ADAMTSL1: variants seen among roughly 807,000 people sequenced by gnomAD.
The protein encoded by ADAMTSL1 is ADAMTS-like protein 1.
A neutral mutation model predicts 201.8 loss-of-function variants in ADAMTSL1; 126 were observed. The ratio of observed to expected loss-of-function variants is 0.62; its 90% CI spans 0.54 to 0.72. The LOEUF (loss-of-function observed/expected upper bound fraction) is 0.72. Ranked by LOEUF, ADAMTSL1 falls within the 30% of genes least tolerant of loss-of-function variation. ADAMTSL1 has a pLI of 0.00. For missense variants in ADAMTSL1, 2,679 were observed against 2,277.8 expected, an observed-to-expected ratio of 1.18 and a Z score of -3.59; for synonymous variants, 1,121 against 903.4, an observed-to-expected ratio of 1.24 and a Z score of -4.32.
intron 2 of ADAMTSL1, among the ~76,000 whole-genome samples, chr9:18,252,033 C>G (rs1419040242): frequency 6.6e-6 from 1 of 150,630 alleles, no homozygotes; most frequent in Non-Finnish European, 1.5e-5. Flanking sequence ...AATTTCCTAC[C>G]AAGACAGGAA....
chr9:18,304,824 G>A (rs896184236), intron 2 of ADAMTSL1, among the ~76,000 whole-genome samples: 8 of 152,112 alleles, frequency 5.3e-5, no homozygotes, highest in African/African-American at 1.9e-4. Flanking sequence ...AATTAGGAAA[G>A]TTTTTACTAT....
At chr9:18,718,353 G>A in intron 14 of ADAMTSL1, 1 of 729,342 alleles carries the variant, frequency 1.4e-6, no homozygotes, top group South Asian at 1.4e-5. Flanking sequence ...TTCCGTTCCT[G>A]CAGTATCCAA....
At chr9:18,521,298 A>G (rs931313845) in intron 2 of ADAMTSL1, among the ~76,000 whole-genome samples, 3 of 152,104 alleles carry the variant, frequency 2.0e-5, no homozygotes, top group African/African-American at 7.2e-5. Context: ...TTAAAGTACT[A>G]AAAGAGTGTA....
At chr9:18,468,699 ACT>A (rs1746594453) in intron 2 of ADAMTSL1, among the ~76,000 whole-genome samples, 1 of 152,220 alleles carries the variant, frequency 6.6e-6, no homozygotes, top group African/African-American at 2.4e-5. Flanking sequence ...TAAGATTTAA[ACT>A]GTCTGGCTCC....
At chr9:18,711,378 A>G (rs149823833) in intron 14 of ADAMTSL1, among the ~76,000 whole-genome samples, 3,964 of 152,312 alleles carry the variant, frequency 0.026, 70 homozygotes, top group Non-Finnish European at 0.04. Context: ...GGCGCAGGTC[A>G]GTGGGTGAGC....
intron 2 of ADAMTSL1, among the ~76,000 whole-genome samples, chr9:18,182,477 A>G (rs1201705224): frequency 1.3e-5 from 2 of 152,172 alleles, no homozygotes; most frequent in Admixed American, 6.5e-5. Context: ...TATAAAGACA[A>G]TAGTTTAAAA....
At chr9:18,529,959 T>A (rs1819336192) in intron 2 of ADAMTSL1, among the ~76,000 whole-genome samples, 1 of 152,190 alleles carries the variant, frequency 6.6e-6, no homozygotes, top group Admixed American at 6.5e-5. Context: ...AGTATTTAAA[T>A]CCATCTTTTA....
chr9:18,104,208 A>T (rs1156887917), intron 1 of ADAMTSL1, among the ~76,000 whole-genome samples: 1 of 152,186 alleles, frequency 6.6e-6, no homozygotes, highest in African/African-American at 2.4e-5. Context: ...AGTATCTCCC[A>T]GTTTCCAGAC....
Position 18,348,759 on chromosome 9 carries a change from C to G in ADAMTSL1, c.208-156070C>G, listed in dbSNP as rs955560918. On this transcript the variant is annotated intron_variant, in intron 2 of 29. Coordinates refer to the ADAMTSL1 transcript ENST00000680146. ...TGGTGAGAATCCAGATCTTTACTTT[C>G]TTTCCATTGAACCTCAAAGTAGGTT... 3.9e-5 allele frequency among the ~76,000 whole-genome samples: 6 copies of G among 152,066 alleles called. No homozygotes were observed. The South Asian group carries it at 1.2e-3, about 32-fold the overall frequency.
chr9:17,978,880 A>G (rs1818566675), intron 1 of ADAMTSL1, among the ~76,000 whole-genome samples: 1 of 151,928 alleles, frequency 6.6e-6, no homozygotes, highest in Non-Finnish European at 1.5e-5. Context: ...AAACTCCTTC[A>G]GTTCTTGTTT....
At chr9:18,890,514 T>A (rs1401538960) in intron 25 of ADAMTSL1, 2 of 456,080 alleles carry the variant, frequency 4.4e-6, no homozygotes, top group East Asian at 1.4e-4. Context: ...TCTGTAGGAC[T>A]TTCATACAAT....
At position 18,184,792 on chromosome 9, in the gene ADAMTSL1, C is replaced by T. The variant is rs567012933; in HGVS notation, c.207+20811C>T. 3.9e-4 allele frequency among the ~76,000 whole-genome samples: 59 copies of T among 152,246 alleles called. No homozygotes were observed. In the South Asian group the frequency reaches 0.011, roughly 28 times the overall value. ...GTGACCTCTGGCTTGAGATTTCATC[C>T]GTATATCTAAAAATCACGTATTAAA... On this transcript the variant is annotated intron_variant, in intron 2 of 29. Transcript: ENST00000680146.
At chr9:18,803,770 T>A (rs768941494) in intron 20 of ADAMTSL1, among the ~76,000 whole-genome samples, 2 of 152,226 alleles carry the variant, frequency 1.3e-5, no homozygotes, top group African/African-American at 4.8e-5. Context: ...AATATAGCCT[T>A]GAGGCTACCA....
intron 2 of ADAMTSL1, among the ~76,000 whole-genome samples, chr9:18,252,102 T>C (rs1329793960): frequency 6.6e-6 from 1 of 151,846 alleles, no homozygotes; most frequent in Non-Finnish European, 1.5e-5. Context: ...GATGATATAG[T>C]ATAAAAAGAA....
intron 2 of ADAMTSL1, among the ~76,000 whole-genome samples, chr9:18,369,110 GA>G (rs574288479): frequency 2.0e-5 from 3 of 152,202 alleles, no homozygotes; most frequent in East Asian, 1.9e-4. Context: ...AGTTTATATA[GA>G]AAAAAAGTTG....
intron 20 of ADAMTSL1, among the ~76,000 whole-genome samples, chr9:18,795,898 A>T (rs899315697): frequency 6.6e-6 from 1 of 152,228 alleles, no homozygotes; most frequent in African/African-American, 2.4e-5. Context: ...GGATCCTGTC[A>T]TCTCCTTGTT....
chr9:18,772,746 A>G (rs1381232412), intron 17 of ADAMTSL1, among the ~76,000 whole-genome samples: 1 of 152,212 alleles, frequency 6.6e-6, no homozygotes, highest in African/African-American at 2.4e-5. Flanking sequence ...TGTCATGAGA[A>G]GGAAAGGAAA....
chr9:18,137,763 A>G (rs527621181), intron 1 of ADAMTSL1, among the ~76,000 whole-genome samples: 71 of 152,310 alleles, frequency 4.7e-4, no homozygotes, highest in African/African-American at 1.3e-3. Flanking sequence ...CTGTTTAATA[A>G]TTAAAGGCCC....
chr9:18,007,513 C>G (rs1038176586), intron 1 of ADAMTSL1, among the ~76,000 whole-genome samples: 7 of 151,952 alleles, frequency 4.6e-5, no homozygotes, highest in African/African-American at 1.7e-4. Flanking sequence ...AAACACTTTC[C>G]TCATCCATTT....
Sources: gnomAD v4.1 joint callset for allele counts (sites outside exome capture counted in the v4.1 genomes callset) on GRCh38, gnomAD v4.1.1 for gene constraint, MANE v1.5 for transcripts, NCBI Gene and HGNC (gene_info 2026-07-23, HGNC 2026-07-21) for gene names.